PCDH11X: variants seen among roughly 807,000 people sequenced by gnomAD.
PCDH11X encodes the protein protocadherin-11 X-linked.
A neutral mutation model predicts 53.3 loss-of-function variants in PCDH11X; 18 were observed. The observed-to-expected ratio is 0.34, with a 90% CI of 0.23 to 0.50. The LOEUF (loss-of-function observed/expected upper bound fraction) is 0.50. Ranked by LOEUF, PCDH11X falls within the 20% of genes least tolerant of loss-of-function variation. The pLI, the probability that PCDH11X is intolerant of heterozygous loss-of-function variation, is 0.98. For synonymous variants in PCDH11X, 279 were observed against 393.3 expected (o/e 0.71, Z 3.44); for missense variants, 570 against 1,032.4 (o/e 0.55, Z 6.14).
At chrX:92,475,097 G>A (rs1203393027) in intron 10 of PCDH11X, among the ~76,000 whole-genome samples, 28 of 95,856 alleles carry the variant, frequency 2.9e-4, no homozygotes, top group African/African-American at 1.1e-3. Context: ...CCCGGGAGGC[G>A]GAGCTTGCAG....
intron 10 of PCDH11X, among the ~76,000 whole-genome samples, chrX:92,571,055 A>G (rs1415772158): frequency 2.7e-5 from 3 of 112,086 alleles, no homozygotes; most frequent in African/African-American, 9.7e-5. Flanking sequence ...ATTACCTTAC[A>G]TTGTTTTCAA....
In PCDH11X at chrX:91,926,111, C is replaced by T. The variant is rs865889591; in HGVS notation, c.3033+46838C>T. On this transcript the variant is annotated intron_variant, in intron 6 of 10. Transcript: ENST00000682573. ...ACACACACACACACACACACACACACACATATATATATAGAAGGAGATTTA... is the reference window on the plus strand; with the variant it reads ...ACACACACACACACACACACACACATACATATATATATAGAAGGAGATTTA... 3.1e-4 allele frequency among the ~76,000 whole-genome samples: 26 copies of T among 83,864 alleles called. No homozygotes were observed. The East Asian group carries it at 5.6e-3, about 18-fold the overall frequency. 72.8% of individuals were successfully genotyped at this position (83,864 alleles called of 115,157 possible). A position where few individuals can be genotyped will look rare whatever the true frequency, so the allele number is the denominator to read the frequency against.
In PCDH11X at chrX:92,170,797, G is replaced by GT. The variant is rs1294644962; in HGVS notation, c.3034-30567dup. Among the ~76,000 whole-genome samples, 435 of 92,701 alleles carry GT rather than the reference G, an allele frequency of 4.7e-3. 2 individuals carry two copies. Among genetic ancestry groups the GT allele is most frequent in the African/African-American group, 0.014 (360 of 26,139 alleles). The allele number at this position is 92,701 out of a possible 115,157, so 80.5% of individuals were successfully genotyped here. On this transcript the variant is annotated intron_variant, in intron 6 of 10. Transcript: ENST00000682573. Reference sequence around the variant, plus strand: ...TTCTTGTTTTGTTTTTTTGTTTTTTGTTTTTTTTTTTGAGATGAAGTCTCA... The same window carrying GT: ...TTCTTGTTTTGTTTTTTTGTTTTTTGTTTTTTTTTTTTGAGATGAAGTCTCA...
At chrX:92,206,914 TC>T (rs2066486461) in intron 7 of PCDH11X, among the ~76,000 whole-genome samples, 2 of 111,534 alleles carry the variant, frequency 1.8e-5, no homozygotes, top group South Asian at 7.6e-4. Context: ...AGCCAACTAT[TC>T]AACTAATTAA....
At chrX:91,986,979 T>C (rs1222159119) in intron 6 of PCDH11X, among the ~76,000 whole-genome samples, 3 of 110,327 alleles carry the variant, frequency 2.7e-5, no homozygotes, top group African/African-American at 9.9e-5. Flanking sequence ...ATTGGCAATG[T>C]ATTCAATCCA....
intron 6 of PCDH11X, among the ~76,000 whole-genome samples, chrX:91,920,584 C>G (rs987818643): frequency 5.4e-5 from 6 of 111,224 alleles, no homozygotes; most frequent in African/African-American, 2.0e-4. Context: ...TCTACTCCAC[C>G]TATCCCCCGC....
intron 9 of PCDH11X, among the ~76,000 whole-genome samples, chrX:92,419,175 A>T (rs1472275974): frequency 4.7e-5 from 5 of 105,571 alleles, no homozygotes; most frequent in Admixed American, 1.0e-4. Flanking sequence ...TCTACTTCTG[A>T]TATTAATATA....
chrX:91,882,573 C>A (rs1939965071), intron 6 of PCDH11X, among the ~76,000 whole-genome samples: 1 of 109,912 alleles, frequency 9.1e-6, no homozygotes, highest in African/African-American at 3.3e-5. Flanking sequence ...TTCCAAAAAA[C>A]AAACAAACAA....
chrX:92,333,454 G>A (rs891764262), intron 8 of PCDH11X, among the ~76,000 whole-genome samples: 6 of 111,188 alleles, frequency 5.4e-5, no homozygotes, highest in Admixed American at 9.6e-5. Context: ...TTTATCAAGC[G>A]TTCAATTTCC....
At position 92,287,936 on chromosome X, in the gene PCDH11X, ACT is replaced by A. The variant is rs201357036; in HGVS notation, c.3144+24801_3144+24802del. On this transcript the variant is annotated intron_variant, in intron 8 of 10. Transcript: ENST00000682573. ...GAAAGTGTGTAACACTTTCCCCTTC[ACT>A]CTCTCTCCCTCCTTCTGGCCATGTG... 2,934 of 505,720 alleles carry A rather than the reference ACT, an allele frequency of 5.8e-3. 51 individuals carry two copies. In the African/African-American group the frequency reaches 0.059, roughly 10 times the overall value. The allele number at this position is 505,720 out of a possible 1,213,427, so 41.7% of individuals were successfully genotyped here. A position where few individuals can be genotyped will look rare whatever the true frequency, so the allele number is the denominator to read the frequency against.
At chrX:92,317,025 C>T (rs1263726056) in intron 8 of PCDH11X, among the ~76,000 whole-genome samples, 3 of 110,771 alleles carry the variant, frequency 2.7e-5, no homozygotes, top group Admixed American at 1.9e-4. Context: ...AAAAAAATTG[C>T]GGTCAAGGGG....
chrX:92,175,000 A>T (rs2148282166), intron 6 of PCDH11X, among the ~76,000 whole-genome samples: 1 of 110,726 alleles, frequency 9.0e-6, no homozygotes, highest in South Asian at 3.8e-4. Flanking sequence ...TTTGAGACAG[A>T]GTTTCACTCT....
chrX:91,962,403 T>A (rs1251560463), intron 6 of PCDH11X, among the ~76,000 whole-genome samples: 3 of 112,679 alleles, frequency 2.7e-5, no homozygotes, highest in African/African-American at 9.7e-5. Flanking sequence ...AGTTCTAAAA[T>A]GATCTTTGAA....
At chrX:92,093,652 A>G in intron 6 of PCDH11X, among the ~76,000 whole-genome samples, 1 of 111,605 alleles carries the variant, frequency 9.0e-6, no homozygotes, top group Non-Finnish European at 1.9e-5. Context: ...TCATCTATGC[A>G]TGCTCAGCCC....
At chrX:92,096,531 A>G (rs1234949524) in intron 6 of PCDH11X, among the ~76,000 whole-genome samples, 25 of 108,205 alleles carry the variant, frequency 2.3e-4, no homozygotes, top group Non-Finnish European at 4.0e-4. Flanking sequence ...GTCCATTTTC[A>G]TGCTGCTGAT....
intron 10 of PCDH11X, among the ~76,000 whole-genome samples, chrX:92,508,831 C>A (rs2074114457): frequency 9.2e-6 from 1 of 108,293 alleles, no homozygotes; most frequent in African/African-American, 3.3e-5. Flanking sequence ...ATTTTAAAAG[C>A]TTTATTTCCT....
intron 6 of PCDH11X, among the ~76,000 whole-genome samples, chrX:92,098,002 G>T (rs1433132425): frequency 9.1e-6 from 1 of 109,841 alleles, no homozygotes; most frequent in Non-Finnish European, 1.9e-5. Flanking sequence ...AAATATTTTT[G>T]ATCCTCAGTT....
Position 91,832,780 on chromosome X carries a change from T to C in PCDH11X, c.-44-2681T>C, listed in dbSNP as rs1210799746. ...CATGCATGCAATGCTTTTATTTCTT[T>C]AGTTTGCTTTATTTTGTTTTTCATT... On this transcript the variant is annotated intron_variant, in intron 4 of 10. Coordinates refer to ENST00000682573, the MANE Select transcript of PCDH11X (RefSeq NM_032968.5). Among the ~76,000 whole-genome samples the C allele has an allele frequency of 2.7e-5, 3 of 111,633 alleles. No homozygotes were observed. In the Admixed American group the frequency reaches 2.9e-4, roughly 11 times the overall value.
chrX:91,945,994 A>G (rs1442306645), intron 6 of PCDH11X, among the ~76,000 whole-genome samples: 1 of 109,117 alleles, frequency 9.2e-6, no homozygotes, highest in East Asian at 2.9e-4. Flanking sequence ...TTATACTTTT[A>G]ATTGGGACAC....
Sources: gnomAD v4.1 joint callset for allele counts (sites outside exome capture counted in the v4.1 genomes callset) on GRCh38, gnomAD v4.1.1 for gene constraint, MANE v1.5 for transcripts, NCBI Gene and HGNC (gene_info 2026-07-23, HGNC 2026-07-21) for gene names.